NALF1: variants seen among roughly 807,000 people sequenced by gnomAD.
NALF1 encodes family with sequence similarity 155 member A.
In NALF1, 3 loss-of-function variants were observed where a neutral mutation model predicts 48.4. That is an observed-to-expected ratio of 0.06 (90% confidence interval 0.03 to 0.16). The LOEUF (loss-of-function observed/expected upper bound fraction) is 0.16. Ranked by LOEUF, NALF1 falls within the 10% of genes least tolerant of loss-of-function variation. The probability of loss-of-function intolerance (pLI) is 1.00; values close to 1 mark genes in which losing one functional copy is unlikely to be tolerated. For synonymous variants in NALF1, 262 were observed against 245.7 expected, an observed-to-expected ratio of 1.07 and a Z score of -0.62; for missense variants, 526 against 571.5, an observed-to-expected ratio of 0.92 and a Z score of 0.81.
intron 1 of NALF1, among the ~76,000 whole-genome samples, chr13:107,449,785 A>G (rs1413097676): frequency 6.6e-6 from 1 of 152,184 alleles, no homozygotes; most frequent in African/African-American, 2.4e-5. Flanking sequence ...CTTTAAATAT[A>G]GCACATAATT....
chr13:107,245,241 A>T (rs1880556937), intron 1 of NALF1, among the ~76,000 whole-genome samples: 1 of 152,252 alleles, frequency 6.6e-6, no homozygotes, highest in African/African-American at 2.4e-5. Context: ...CTACTTCTAT[A>T]TAATGAAAAG....
chr13:107,632,238 T>C (rs1879854542), intron 1 of NALF1, among the ~76,000 whole-genome samples: 1 of 152,192 alleles, frequency 6.6e-6, no homozygotes, highest in Non-Finnish European at 1.5e-5. Flanking sequence ...TCTGTCTATC[T>C]GTCTATCCTT....
chr13:107,251,232 G>A lies in NALF1; in HGVS notation c.916-40477C>T, dbSNP rs75058560. ...AGGCAAGATTTTCCTCCCCAAGTCA[G>A]TTAAGAGCAGTTGTTAAGACCAGAC... On this transcript the variant is annotated intron_variant, in intron 1 of 2. Transcript: ENST00000375915. 1.3e-3 allele frequency among the ~76,000 whole-genome samples: 203 copies of A among 152,286 alleles called. 2 individuals carry two copies. The East Asian group carries it at 0.027, about 20-fold the overall frequency.
At chr13:107,847,636 A>G (rs1880207616) in intron 1 of NALF1, among the ~76,000 whole-genome samples, 1 of 152,220 alleles carries the variant, frequency 6.6e-6, no homozygotes, top group Admixed American at 6.5e-5. Flanking sequence ...GACAGCACAC[A>G]GACAGCGAAC....
At chr13:107,485,288 C>A (rs578159959) in intron 1 of NALF1, among the ~76,000 whole-genome samples, 1 of 152,076 alleles carries the variant, frequency 6.6e-6, no homozygotes, top group African/African-American at 2.4e-5. Flanking sequence ...TTAATGATTG[C>A]TAATTAGTCA....
intron 1 of NALF1, among the ~76,000 whole-genome samples, chr13:107,843,435 G>A (rs1364168862): frequency 6.6e-6 from 1 of 152,066 alleles, no homozygotes; most frequent in Admixed American, 6.6e-5. Flanking sequence ...ATGCTAAAAG[G>A]ACCTCCTCGA....
chr13:107,234,328 T>C (rs1880292346), intron 1 of NALF1, among the ~76,000 whole-genome samples: 1 of 152,168 alleles, frequency 6.6e-6, no homozygotes, highest in Non-Finnish European at 1.5e-5. Flanking sequence ...GCTCGGTGAC[T>C]TTGCCTGCTT....
intron 1 of NALF1, among the ~76,000 whole-genome samples, chr13:107,834,590 A>G (rs1434439138): frequency 1.3e-5 from 2 of 152,176 alleles, no homozygotes; most frequent in African/African-American, 4.8e-5. Context: ...CTCATGTCTA[A>G]ATGTTACCCC....
At chr13:107,247,998 A>G (rs1880618031) in intron 1 of NALF1, among the ~76,000 whole-genome samples, 1 of 152,138 alleles carries the variant, frequency 6.6e-6, no homozygotes, top group African/African-American at 2.4e-5. Flanking sequence ...ACCAACAATG[A>G]TCAAGCATCT....
Position 107,165,355 on chromosome 13 carries a change from G to C in NALF1, c.*5142C>G, listed in dbSNP as rs1308600724. On this transcript the variant is annotated 3_prime_UTR_variant, in exon 3 of 3. Transcript: ENST00000375915. ...CATTCAACTCTTCAAGTGTGTCTGA[G>C]ACCTAGGGATCCCACTGTGCCTCGG... The C allele has an allele frequency of 1.3e-5, 2 of 152,120 alleles. No homozygotes were observed. Among genetic ancestry groups the C allele is most frequent in the Non-Finnish European group, 2.9e-5 (2 of 68,032 alleles). 9.4% of individuals were successfully genotyped at this position (152,120 alleles called of 1,614,324 possible). A position where few individuals can be genotyped will look rare whatever the true frequency, so the allele number is the denominator to read the frequency against.
chr13:107,268,411 T>C (rs925905515), intron 1 of NALF1, among the ~76,000 whole-genome samples: 1 of 145,472 alleles, frequency 6.9e-6, no homozygotes, highest in East Asian at 2.3e-4. Flanking sequence ...TGTGATAAAA[T>C]TGTATACAAC....
intron 1 of NALF1, among the ~76,000 whole-genome samples, chr13:107,659,469 G>T (rs1216991598): frequency 6.6e-6 from 1 of 150,794 alleles, no homozygotes; most frequent in African/African-American, 2.4e-5. Context: ...CTTATTTCTA[G>T]AGACCTATTC....
intron 1 of NALF1, among the ~76,000 whole-genome samples, chr13:107,591,383 C>G (rs141011576): frequency 6.6e-6 from 1 of 152,020 alleles, no homozygotes; most frequent in East Asian, 1.9e-4. Context: ...CAGAGACTGA[C>G]TGAAAGATTT....
intron 1 of NALF1, among the ~76,000 whole-genome samples, chr13:107,718,951 A>G (rs1485082365): frequency 6.6e-6 from 1 of 152,222 alleles, no homozygotes; most frequent in African/African-American, 2.4e-5. Flanking sequence ...TCTTTTGCAC[A>G]ATGCTAGGAG....
At chr13:107,565,266 T>A (rs1323863990) in intron 1 of NALF1, among the ~76,000 whole-genome samples, 2 of 150,742 alleles carry the variant, frequency 1.3e-5, no homozygotes, top group African/African-American at 4.9e-5. Context: ...ACACTTGTAA[T>A]CCCATCACTT....
intron 1 of NALF1, among the ~76,000 whole-genome samples, chr13:107,448,811 A>G (rs1884693256): frequency 6.6e-6 from 1 of 152,202 alleles, no homozygotes; most frequent in African/African-American, 2.4e-5. Context: ...ACAGAATATT[A>G]TCATATCCTT....
intron 1 of NALF1, among the ~76,000 whole-genome samples, chr13:107,314,858 T>C (rs558350577): frequency 6.6e-6 from 1 of 152,106 alleles, no homozygotes; most frequent in Non-Finnish European, 1.5e-5. Flanking sequence ...AACTGACGAG[T>C]GAAAGCTCAC....
At chr13:107,681,146 T>C (rs944322053) in intron 1 of NALF1, among the ~76,000 whole-genome samples, 1 of 152,244 alleles carries the variant, frequency 6.6e-6, no homozygotes, top group African/African-American at 2.4e-5. Context: ...CAGGGCAAAA[T>C]ACCCGGCCAT....
intron 1 of NALF1, among the ~76,000 whole-genome samples, chr13:107,613,927 G>C (rs61281995): frequency 2.0e-5 from 3 of 152,152 alleles, no homozygotes; most frequent in Non-Finnish European, 4.4e-5. Flanking sequence ...AAGTCACTTA[G>C]TTCTCATAGC....
Sources: allele counts gnomAD v4.1 joint callset (sites outside exome capture counted in the v4.1 genomes callset), GRCh38; gene constraint gnomAD v4.1.1; transcripts MANE v1.5; gene names NCBI Gene and HGNC (gene_info 2026-07-23, HGNC 2026-07-21).